SCHIP1: variants seen among roughly 807,000 people sequenced by gnomAD.
The protein encoded by SCHIP1 is schwannomin-interacting protein 1.
In SCHIP1, 8 loss-of-function variants were observed where a neutral mutation model predicts 29.7. The observed-to-expected ratio is 0.27, with a 90% CI of 0.16 to 0.49. The LOEUF (loss-of-function observed/expected upper bound fraction) is 0.49, where lower values mean the gene tolerates loss of function less well. Ranked by LOEUF, SCHIP1 falls within the 20% of genes least tolerant of loss-of-function variation. The pLI is 0.99. For synonymous variants in SCHIP1, 76 were observed against 94.9 expected (o/e 0.80, Z 1.16); for missense variants, 193 against 294.6 (o/e 0.66, Z 2.52).
the SCHIP1 span, among the ~76,000 whole-genome samples, chr3:159,706,775 C>A: frequency 6.6e-6 from 1 of 152,140 alleles, no homozygotes; most frequent in East Asian, 1.9e-4. Context: ...ATGGAGTGTT[C>A]AAGATCAGTT....
chr3:159,541,097 G>C, the SCHIP1 span, among the ~76,000 whole-genome samples: 1 of 152,066 alleles, frequency 6.6e-6, no homozygotes, highest in Admixed American at 6.6e-5. Flanking sequence ...TTCTTGAGGA[G>C]CTGAGTAATA....
chr3:159,873,309 G>A (rs1715465712), intron 2 of SCHIP1, among the ~76,000 whole-genome samples: 1 of 152,140 alleles, frequency 6.6e-6, no homozygotes, highest in African/African-American at 2.4e-5. Flanking sequence ...GCAAACTAAT[G>A]GAGTTCTGTT....
the SCHIP1 span, among the ~76,000 whole-genome samples, chr3:159,745,306 C>T: frequency 1.3e-5 from 2 of 152,160 alleles, no homozygotes; most frequent in African/African-American, 4.8e-5. Context: ...CTCCATTTCT[C>T]AAGGAGCCGG....
the SCHIP1 span, among the ~76,000 whole-genome samples, chr3:159,462,123 T>C: frequency 2.0e-5 from 3 of 151,722 alleles, no homozygotes; most frequent in Non-Finnish European, 2.9e-5. Flanking sequence ...GGCAGGAAAA[T>C]CACTTGAATC....
At chr3:159,722,552 A>G in the SCHIP1 span, among the ~76,000 whole-genome samples, 1 of 151,952 alleles carries the variant, frequency 6.6e-6, no homozygotes, top group Non-Finnish European at 1.5e-5. Flanking sequence ...TATTTCCCCA[A>G]TTGTTTAATG....
chr3:159,670,865 C>CTT, the SCHIP1 span, among the ~76,000 whole-genome samples: 1 of 151,782 alleles, frequency 6.6e-6, no homozygotes, highest in Non-Finnish European at 1.5e-5. Flanking sequence ...TTCTCTTTCT[C>CTT]TCTGTGGGTG....
the SCHIP1 span, among the ~76,000 whole-genome samples, chr3:159,347,901 A>G: frequency 6.6e-6 from 1 of 152,292 alleles, no homozygotes; most frequent in East Asian, 1.9e-4. Context: ...CAATCCTGGT[A>G]TGAAATATAT....
At chr3:159,508,123 A>T in the SCHIP1 span, among the ~76,000 whole-genome samples, 1 of 152,112 alleles carries the variant, frequency 6.6e-6, no homozygotes, top group East Asian at 1.9e-4. Context: ...GTAAGCTATT[A>T]ATTATTGCCT....
the SCHIP1 span, among the ~76,000 whole-genome samples, chr3:159,770,345 C>T: frequency 8.5e-5 from 13 of 152,256 alleles, no homozygotes; most frequent in Non-Finnish European, 1.5e-4. Context: ...CTGCCACCTC[C>T]GCCTGCTCAG....
chr3:159,434,251 C>A, the SCHIP1 span, among the ~76,000 whole-genome samples: 1 of 152,036 alleles, frequency 6.6e-6, no homozygotes, highest in Admixed American at 6.6e-5. Context: ...TTGAGTTTAC[C>A]ATGTTGTAGA....
intron 2 of SCHIP1, among the ~76,000 whole-genome samples, chr3:159,871,220 A>G (rs1422425580): frequency 6.6e-6 from 1 of 152,050 alleles, no homozygotes; most frequent in African/African-American, 2.4e-5. Context: ...AGCTGTTTAT[A>G]AACTGTGGTT....
the SCHIP1 span, among the ~76,000 whole-genome samples, chr3:159,482,428 G>A: frequency 6.6e-6 from 1 of 152,104 alleles, no homozygotes; most frequent in Non-Finnish European, 1.5e-5. Flanking sequence ...AGCTATGGAA[G>A]CATTGAATGA....
At chr3:159,781,333 G>A in the SCHIP1 span, among the ~76,000 whole-genome samples, 19 of 152,172 alleles carry the variant, frequency 1.2e-4, no homozygotes, top group African/African-American at 4.6e-4. Flanking sequence ...ACACCACCAC[G>A]CCCAGCTAGT....
At chr3:159,665,518 T>C in the SCHIP1 span, among the ~76,000 whole-genome samples, 1 of 151,846 alleles carries the variant, frequency 6.6e-6, no homozygotes, top group African/African-American at 2.4e-5. Context: ...TGTTTGTTTT[T>C]TGTTGTGGTG....
chr3:159,800,799 A>G, the SCHIP1 span, among the ~76,000 whole-genome samples: 1 of 152,102 alleles, frequency 6.6e-6, no homozygotes, highest in South Asian at 2.1e-4. Context: ...ATCCAGGCAG[A>G]TTTCTAAATG....
chr3:159,425,584 T>A, the SCHIP1 span, among the ~76,000 whole-genome samples: 4 of 151,356 alleles, frequency 2.6e-5, no homozygotes, highest in African/African-American at 7.3e-5. Flanking sequence ...CTCCCACACA[T>A]TAATAATGGG....
the SCHIP1 span, among the ~76,000 whole-genome samples, chr3:159,632,194 C>A: frequency 5.9e-5 from 9 of 152,226 alleles, no homozygotes; most frequent in South Asian, 2.1e-4. Context: ...CCCTAGAAAA[C>A]CTCTTGGAGG....
the SCHIP1 span, among the ~76,000 whole-genome samples, chr3:159,617,108 C>T: frequency 2.6e-5 from 4 of 152,058 alleles, no homozygotes; most frequent in Admixed American, 6.5e-5. Flanking sequence ...GTCATGTGGT[C>T]CCATCCAACC....
At chr3:159,586,670 C>A in the SCHIP1 span, among the ~76,000 whole-genome samples, 1 of 152,126 alleles carries the variant, frequency 6.6e-6, no homozygotes, top group Non-Finnish European at 1.5e-5. Flanking sequence ...TCATTTCCTG[C>A]CTCTGCCCCT....
Sources: allele counts gnomAD v4.1 joint callset (sites outside exome capture counted in the v4.1 genomes callset), GRCh38; gene constraint gnomAD v4.1.1; transcripts MANE v1.5; gene names NCBI Gene and HGNC (gene_info 2026-07-23, HGNC 2026-07-21).